Variants in SIPA1L1 observed in about 807,000 individuals in gnomAD.
SIPA1L1 encodes the protein signal-induced proliferation-associated 1-like protein 1.
In SIPA1L1, 26 loss-of-function variants were observed where a neutral mutation model predicts 162.7. That is an observed-to-expected ratio of 0.16 (90% CI 0.12 to 0.22). SIPA1L1 has a LOEUF of 0.22. Among genes scored for constraint, SIPA1L1 ranks in the 10% least tolerant of loss-of-function variants. The probability of loss-of-function intolerance (pLI) is 1.00; values close to 1 mark genes in which losing one functional copy is unlikely to be tolerated. For missense variants in SIPA1L1, 1,874 were observed against 2,241.0 expected (o/e 0.84, Z 3.31); for synonymous variants, 829 against 837.4 (o/e 0.99, Z 0.17).
At chr14:71,465,811 A>T (rs2046949682) in intron 2 of SIPA1L1, among the ~76,000 whole-genome samples, 1 of 152,194 alleles carries the variant, frequency 6.6e-6, no homozygotes. Flanking sequence ...CTTGAGGAGC[A>T]AGGAGAGCCA....
chr14:71,601,246 T>A lies in SIPA1L1; in HGVS notation c.1498+11876T>A, dbSNP rs956660505. Among the ~76,000 whole-genome samples the A allele has an allele frequency of 2.0e-5, 3 of 152,266 alleles. No homozygotes were observed. In the South Asian group the frequency reaches 6.2e-4, roughly 32 times the overall value. On this transcript the variant is annotated intron_variant, in intron 5 of 23. Coordinates refer to ENST00000381232, the MANE Select transcript of SIPA1L1 (RefSeq NM_001386936.1). ...GCTGTGGGTTGGTCATATATGCCCT[T>A]TATGATGTTGAGGTCTGTTTCTTCT...
intron 2 of SIPA1L1, among the ~76,000 whole-genome samples, chr14:71,506,788 A>G (rs1327289879): frequency 6.7e-6 from 1 of 148,898 alleles, no homozygotes; most frequent in Non-Finnish European, 1.5e-5. Flanking sequence ...TCTCCATATT[A>G]TTATCTCACA....
chr14:71,445,161 G>T (rs1448235951), intron 2 of SIPA1L1, among the ~76,000 whole-genome samples: 1 of 152,128 alleles, frequency 6.6e-6, no homozygotes, highest in African/African-American at 2.4e-5. Flanking sequence ...TTATCCTGGC[G>T]TAAGAAAAAA....
chr14:71,470,280 C>A (rs1008685107), intron 2 of SIPA1L1, among the ~76,000 whole-genome samples: 1 of 152,174 alleles, frequency 6.6e-6, no homozygotes, highest in African/African-American at 2.4e-5. Flanking sequence ...GATACGGACA[C>A]GTTTGCAAAA....
At position 71,715,155 on chromosome 14, in the gene SIPA1L1, C is replaced by G. The variant is rs987728565; in HGVS notation, c.4208+5491C>G. On this transcript the variant is annotated intron_variant, in intron 17 of 23. Coordinates refer to ENST00000381232, the MANE Select transcript of SIPA1L1 (RefSeq NM_001386936.1). ...GAAAGAAGGAAAATTTGGTATAGCTCTCTACCCCCAGGCAAGTTGGGAGAG... is the reference window on the plus strand; with the variant it reads ...GAAAGAAGGAAAATTTGGTATAGCTGTCTACCCCCAGGCAAGTTGGGAGAG... Among the ~76,000 whole-genome samples the G allele has an allele frequency of 8.4e-4, 128 of 152,310 alleles. 1 individual carries two copies. The highest frequency in any genetic ancestry group is 3.1e-3 in the African/African-American group (127 of 41,566).
chr14:71,469,882 A>G (rs745695900), intron 2 of SIPA1L1, among the ~76,000 whole-genome samples: 1 of 152,246 alleles, frequency 6.6e-6, no homozygotes, highest in Non-Finnish European at 1.5e-5. Context: ...ATGCTCCGTC[A>G]TAACCAGGAG....
chr14:71,577,347 T>C (rs1247407707), intron 4 of SIPA1L1, among the ~76,000 whole-genome samples: 2 of 152,018 alleles, frequency 1.3e-5, no homozygotes, highest in Admixed American at 6.6e-5. Context: ...TAGCCCAGTA[T>C]TGAGAGAGAG....
At chr14:71,477,984 A>G (rs1301978539) in intron 2 of SIPA1L1, among the ~76,000 whole-genome samples, 1 of 152,154 alleles carries the variant, frequency 6.6e-6, no homozygotes, top group Non-Finnish European at 1.5e-5. Flanking sequence ...GCAATGTATA[A>G]AAGTTTCAGA....
chr14:71,330,477 A>G, intron 2 of SIPA1L1: 1 of 1,606,610 alleles, frequency 6.2e-7, no homozygotes, highest in Non-Finnish European at 8.5e-7. Context: ...TCACAGCTAG[A>G]ACTTGGTCCC....
intron 2 of SIPA1L1, among the ~76,000 whole-genome samples, chr14:71,354,281 CTTT>C (rs553737399): frequency 5.8e-5 from 8 of 137,708 alleles, no homozygotes; most frequent in Admixed American, 7.3e-5. Context: ...TCATTTGTTT[CTTT>C]TTTTTTTTTT....
intron 7 of SIPA1L1, among the ~76,000 whole-genome samples, chr14:71,632,243 A>G (rs964917246): frequency 6.6e-6 from 1 of 152,182 alleles, no homozygotes; most frequent in African/African-American, 2.4e-5. Context: ...GATCTCTGGA[A>G]TGGCATAGCT....
At chr14:71,518,912 G>A (rs1456942730) in intron 3 of SIPA1L1, among the ~76,000 whole-genome samples, 1 of 152,150 alleles carries the variant, frequency 6.6e-6, no homozygotes, top group East Asian at 1.9e-4. Context: ...TTACATGGCG[G>A]CGGCAAGAGA....
At position 71,671,662 on chromosome 14, in the gene SIPA1L1, G is replaced by C; in HGVS notation, c.2799G>C (p.Glu933Asp). ...CAGTGGGTAGTTTTATTAACATTGA[G>C]GAGATCAAAGAGATTGTCAAAAGGT... ...CVSVGSFINIEEIKEIVKRLQ... is the reference protein window; with the variant it reads ...CVSVGSFINIDEIKEIVKRLQ... Residue 933 changes from glutamate to aspartate, a missense_variant, in exon 11 of 24, where the codon GAG (glutamate) becomes GAC (aspartate). Around this residue, in one of 5 missense-constraint regions of SIPA1L1, gnomAD observed 243 missense variants for 315.0 expected, o/e 0.77. Coordinates refer to ENST00000381232, the MANE Select transcript of SIPA1L1 (RefSeq NM_001386936.1). 6.2e-7 allele frequency: 1 copy of C among 1,607,456 alleles called. No homozygotes were observed. The highest frequency in any genetic ancestry group is 8.5e-7 in the Non-Finnish European group (1 of 1,177,352).
At chr14:71,330,923 G>A (rs1381437126) in intron 2 of SIPA1L1, among the ~76,000 whole-genome samples, 1 of 152,198 alleles carries the variant, frequency 6.6e-6, no homozygotes, top group Non-Finnish European at 1.5e-5. Flanking sequence ...TTTTTAGTTT[G>A]ATGCAGTCCC....
chr14:71,685,459 T>G lies in SIPA1L1; in HGVS notation c.3202T>G (p.Trp1068Gly). Reference sequence around the variant, plus strand: ...GTTTCCCTTCCGAAATAATAACAAGTGGCAGAGGAACGCCAGCAAGGGGCC... The same window carrying G: ...GTTTCCCTTCCGAAATAATAACAAGGGGCAGAGGAACGCCAGCAAGGGGCC... ...FKFPFRNNNK[W>G]QRNASKGPHS... The change falls in exon 13 of 24, where the codon TGG becomes GGG. Residue 1068 changes from tryptophan (W) to glycine (G), a missense_variant. By Grantham distance (184) the Trp-to-Gly change is radical. Around this residue, in one of 5 missense-constraint regions of SIPA1L1, gnomAD observed 936 missense variants for 1,051.9 expected, o/e 0.89. Coordinates refer to ENST00000381232, the MANE Select transcript of SIPA1L1 (RefSeq NM_001386936.1). 1 of 1,614,170 alleles carries G rather than the reference T, an allele frequency of 6.2e-7. No homozygotes were observed.
At chr14:71,551,811 A>G (rs1248205271) in intron 4 of SIPA1L1, among the ~76,000 whole-genome samples, 1 of 151,886 alleles carries the variant, frequency 6.6e-6, no homozygotes, top group East Asian at 1.9e-4. Flanking sequence ...CATGTCCCAG[A>G]GTCTTTCCAC....
chr14:71,553,867 A>G (rs1302581165), intron 4 of SIPA1L1, among the ~76,000 whole-genome samples: 2 of 152,152 alleles, frequency 1.3e-5, no homozygotes, highest in Non-Finnish European at 2.9e-5. Flanking sequence ...CAGCTTTCTT[A>G]AATTGAGACC....
chr14:71,621,835 C>T (rs1010837524), intron 6 of SIPA1L1, among the ~76,000 whole-genome samples: 1 of 151,878 alleles, frequency 6.6e-6, no homozygotes, highest in African/African-American at 2.4e-5. Context: ...TCCTTTTCCT[C>T]TCTTCCTTTC....
chr14:71,468,373 G>T (rs1244370327), intron 2 of SIPA1L1, among the ~76,000 whole-genome samples: 1 of 152,190 alleles, frequency 6.6e-6, no homozygotes, highest in East Asian at 1.9e-4. Flanking sequence ...TACAAGCATG[G>T]TGCTGGCATC....
Sources: allele counts gnomAD v4.1 joint callset (sites outside exome capture counted in the v4.1 genomes callset), GRCh38; gene constraint gnomAD v4.1.1; regional missense constraint gnomAD v4.1.1; transcripts MANE v1.5; gene names NCBI Gene and HGNC (gene_info 2026-07-23, HGNC 2026-07-21).